Variants in CNKSR2 observed in about 807,000 individuals in gnomAD.
CNKSR2 encodes the protein connector enhancer of kinase suppressor of Ras 2, also known as CNK homolog protein 2.
In CNKSR2, 14 loss-of-function variants were observed where a neutral mutation model predicts 84.4. The observed-to-expected ratio is 0.17, with a 90% confidence interval of 0.11 to 0.26. The LOEUF is 0.26. Ranked by LOEUF, CNKSR2 falls within the 10% of genes least tolerant of loss-of-function variation. The probability of loss-of-function intolerance (pLI) is 1.00; values close to 1 mark genes in which losing one functional copy is unlikely to be tolerated. For missense variants in CNKSR2, 485 were observed against 771.2 expected, an observed-to-expected ratio of 0.63 and a Z score of 4.40; for synonymous variants, 275 against 277.9, an observed-to-expected ratio of 0.99 and a Z score of 0.10.
intron 10 of CNKSR2, among the ~76,000 whole-genome samples, chrX:21,527,788 G>C (rs925056910): frequency 7.4e-5 from 8 of 107,600 alleles, no homozygotes; most frequent in African/African-American, 2.6e-4. Context: ...TTTTAAATTA[G>C]TTCTGCATTC....
intron 10 of CNKSR2, among the ~76,000 whole-genome samples, chrX:21,531,192 A>G (rs1047512758): frequency 9.0e-6 from 1 of 111,038 alleles, no homozygotes; most frequent in Non-Finnish European, 1.9e-5. Flanking sequence ...AGTTTATATC[A>G]TGCTAATTTG....
At chrX:21,579,204 C>G (rs989266946) in intron 13 of CNKSR2, among the ~76,000 whole-genome samples, 1 of 111,877 alleles carries the variant, frequency 8.9e-6, no homozygotes, top group Non-Finnish European at 1.9e-5. Flanking sequence ...TACGTAGTGG[C>G]CAACCCTAAA....
intron 11 of CNKSR2, among the ~76,000 whole-genome samples, chrX:21,535,538 C>T (rs1314802553): frequency 9.0e-6 from 1 of 110,737 alleles, no homozygotes; most frequent in Admixed American, 9.6e-5. Context: ...TTTGTGTTCT[C>T]TTCAGTTTCT....
rs1003158067 is a variant in CNKSR2, at chrX:21,467,902, A to G, written c.520-2864A>G. On this transcript the variant is annotated intron_variant, in intron 4 of 21. Transcript: ENST00000379510. ...AACCCACAGCTGGTAGAAGTTTTTG[A>G]AAAGTTTGAAATTTGACTAGAGCAA... Among the ~76,000 whole-genome samples, 6 of 111,250 alleles carry G rather than the reference A, an allele frequency of 5.4e-5. No homozygotes were observed. In the East Asian group the frequency reaches 1.7e-3, roughly 31 times the overall value.
rs368720021 is a variant in CNKSR2 at position 21,419,457 on chromosome X, G to A, written c.65-7040G>A. ...GTTTTCCTGAATTGTCCTAATACTT[G>A]TAGATGTTTATCTGTTGCTGGGCAT... On this transcript the variant is annotated intron_variant, in intron 1 of 21. Transcript: ENST00000379510. Among the ~76,000 whole-genome samples the A allele has an allele frequency of 5.4e-5, 6 of 110,898 alleles. No individual in the cohort carries two copies. The East Asian group carries it at 1.1e-3, about 21-fold the overall frequency.
At chrX:21,610,231 A>G (rs1395260070) in intron 20 of CNKSR2, among the ~76,000 whole-genome samples, 2 of 112,628 alleles carry the variant, frequency 1.8e-5, no homozygotes, top group African/African-American at 3.2e-5. Context: ...ATTTCTTGGT[A>G]TGTGTGTTGA....
At chrX:21,544,512 G>T (rs974416665) in intron 11 of CNKSR2, among the ~76,000 whole-genome samples, 3 of 111,873 alleles carry the variant, frequency 2.7e-5, no homozygotes, top group Non-Finnish European at 5.6e-5. Context: ...TTAAACCTAG[G>T]AAGAAAAGAT....
At chrX:21,537,906 A>G in intron 11 of CNKSR2, 1 of 109,285 alleles carries the variant, frequency 9.2e-6, no homozygotes, top group Non-Finnish European at 1.9e-5. Flanking sequence ...CATTTAGGCA[A>G]TTGTTTTGCT....
chrX:21,383,536 G>A (rs892181652), intron 1 of CNKSR2, among the ~76,000 whole-genome samples: 1 of 112,155 alleles, frequency 8.9e-6, no homozygotes, highest in African/African-American at 3.2e-5. Context: ...CTAATATCAA[G>A]TATAGCATAC....
At chrX:21,579,930 C>A (rs183959205) in intron 13 of CNKSR2, among the ~76,000 whole-genome samples, 2 of 111,772 alleles carry the variant, frequency 1.8e-5, no homozygotes, top group African/African-American at 6.5e-5. Flanking sequence ...ACTGAGATTG[C>A]GTAAGTTGCC....
intron 3 of CNKSR2, among the ~76,000 whole-genome samples, chrX:21,438,235 C>T (rs2090735756): frequency 8.9e-6 from 1 of 111,834 alleles, no homozygotes; most frequent in Non-Finnish European, 1.9e-5. Flanking sequence ...CAGCATGTGA[C>T]TGTACTGAAT....
intron 6 of CNKSR2, chrX:21,491,387 A>T (rs1333637511): frequency 1.8e-5 from 2 of 112,190 alleles, no homozygotes; most frequent in African/African-American, 6.5e-5. Flanking sequence ...TGGAAAATAG[A>T]AATCTTGACA....
At chrX:21,602,408 A>T (rs1345576476) in intron 18 of CNKSR2, among the ~76,000 whole-genome samples, 1 of 111,692 alleles carries the variant, frequency 9.0e-6, no homozygotes, top group East Asian at 2.8e-4. Context: ...CGATTCACCG[A>T]TCTCCCAAAA....
At chrX:21,405,955 G>A (rs1267675389) in intron 1 of CNKSR2, among the ~76,000 whole-genome samples, 1 of 110,554 alleles carries the variant, frequency 9.0e-6, no homozygotes, top group Non-Finnish European at 1.9e-5. Context: ...ATTCTACATA[G>A]CAGAGTAGCG....
At chrX:21,598,376 G>A (rs775685708) in intron 17 of CNKSR2, among the ~76,000 whole-genome samples, 30 of 110,630 alleles carry the variant, frequency 2.7e-4, no homozygotes, top group Non-Finnish European at 4.9e-4. Context: ...TTCCTATTTG[G>A]TAATTATTAT....
intron 11 of CNKSR2, among the ~76,000 whole-genome samples, chrX:21,536,350 G>C (rs2091927842): frequency 9.0e-6 from 1 of 111,026 alleles, no homozygotes; most frequent in African/African-American, 3.3e-5. Flanking sequence ...TTGGATTTTA[G>C]TAGTAGGCTA....
chrX:21,532,404 T>A (rs1025923306), intron 11 of CNKSR2, among the ~76,000 whole-genome samples: 1 of 111,215 alleles, frequency 9.0e-6, no homozygotes, highest in African/African-American at 3.2e-5. Flanking sequence ...TTTGTTTTTT[T>A]AAATGAATAC....
At chrX:21,422,468 T>C (rs780717801) in intron 1 of CNKSR2, among the ~76,000 whole-genome samples, 10 of 112,321 alleles carry the variant, frequency 8.9e-5, no homozygotes, top group Non-Finnish European at 1.5e-4. Context: ...ACTTATGTAC[T>C]TATTTTCTCC....
At chrX:21,540,488 A>T (rs1188844565) in intron 11 of CNKSR2, among the ~76,000 whole-genome samples, 1 of 112,114 alleles carries the variant, frequency 8.9e-6, no homozygotes, top group Non-Finnish European at 1.9e-5. Context: ...GTATTTGAAA[A>T]TAATGATAAC....
Sources: allele counts gnomAD v4.1 joint callset (sites outside exome capture counted in the v4.1 genomes callset), GRCh38; gene constraint gnomAD v4.1.1; transcripts MANE v1.5; gene names NCBI Gene and HGNC (gene_info 2026-07-23, HGNC 2026-07-21).